The following APP variants were observed in gnomAD, a reference collection of about 807,000 sequenced individuals.
APP encodes amyloid-beta precursor protein.
A neutral mutation model predicts 101.4 loss-of-function variants in APP; 31 were observed. That is an observed-to-expected ratio of 0.31 (90% CI 0.23 to 0.41). The LOEUF is 0.41. APP is among the 10% of genes least tolerant of loss of function. The pLI is 1.00. For missense variants in APP, 839 were observed against 1,003.7 expected (o/e 0.84, Z 2.22); for synonymous variants, 366 against 364.4 (o/e 1.00, Z -0.05).
At chr21:26,149,518 A>C (rs921685301) in intron 1 of APP, among the ~76,000 whole-genome samples, 2 of 152,240 alleles carry the variant, frequency 1.3e-5, no homozygotes, top group South Asian at 2.1e-4. Context: ...AATCACAAAC[A>C]ATATGGCACG....
At chr21:26,081,255 T>C (rs1315808210) in intron 3 of APP, among the ~76,000 whole-genome samples, 1 of 152,184 alleles carries the variant, frequency 6.6e-6, no homozygotes, top group Non-Finnish European at 1.5e-5. Flanking sequence ...TTAAAGTTAC[T>C]GTCACAACAA....
intron 6 of APP, among the ~76,000 whole-genome samples, chr21:26,006,112 G>T (rs2043520373): frequency 6.6e-6 from 1 of 151,950 alleles, no homozygotes. Context: ...CCACCTTTCT[G>T]TTCAAAGTAA....
chr21:26,165,845 T>A (rs909081178), intron 1 of APP, among the ~76,000 whole-genome samples: 1 of 152,218 alleles, frequency 6.6e-6, no homozygotes. Context: ...CCTCTCTGAA[T>A]ACTCAGCTAG....
intron 15 of APP, among the ~76,000 whole-genome samples, chr21:25,898,380 A>G (rs1028381072): frequency 6.6e-6 from 1 of 152,250 alleles, no homozygotes; most frequent in Non-Finnish European, 1.5e-5. Flanking sequence ...GATGAATTTC[A>G]TTATTCAAAT....
chr21:26,045,409 G>A (rs1383094764), intron 5 of APP, among the ~76,000 whole-genome samples: 1 of 152,142 alleles, frequency 6.6e-6, no homozygotes, highest in African/African-American at 2.4e-5. Context: ...CATTCCAAAG[G>A]ATAATGCTCA....
chr21:25,884,420 TCA>T (rs1365105670), intron 17 of APP, among the ~76,000 whole-genome samples: 4 of 152,226 alleles, frequency 2.6e-5, no homozygotes, highest in Non-Finnish European at 5.9e-5. Flanking sequence ...TGGGAGCAAA[TCA>T]CAGATATTTT....
At chr21:26,004,445 A>AC (rs34715782) in intron 6 of APP, among the ~76,000 whole-genome samples, 151,864 of 151,864 alleles carry the variant, frequency 1, 75,932 homozygotes, top group Non-Finnish European at 1. Flanking sequence ...AGCACCCGCC[A>AC]CACACCGGCT....
chr21:26,013,165 C>G (rs2146736472), intron 6 of APP, among the ~76,000 whole-genome samples: 1 of 152,088 alleles, frequency 6.6e-6, no homozygotes, highest in East Asian at 1.9e-4. Flanking sequence ...AAAAATACAA[C>G]AGTTAGCCAG....
chr21:26,170,827 C>G (rs2063732691), upstream of APP: 1 of 514,364 alleles, frequency 1.9e-6, no homozygotes, highest in Non-Finnish European at 3.3e-6. Flanking sequence ...ATCCGGCCCA[C>G]CCCGCTCGGC....
intron 1 of APP, among the ~76,000 whole-genome samples, chr21:26,119,171 C>A (rs2062506807): frequency 6.6e-6 from 1 of 152,146 alleles, no homozygotes; most frequent in Admixed American, 6.5e-5. Flanking sequence ...TGCTTTTTGA[C>A]AGAACAAGCC....
chr21:25,910,331 C>T (rs1463066377), intron 14 of APP, among the ~76,000 whole-genome samples: 3 of 152,030 alleles, frequency 2.0e-5, no homozygotes, highest in Non-Finnish European at 4.4e-5. Flanking sequence ...GGGGTTTCAC[C>T]ATGTTAGCCA....
intron 11 of APP, among the ~76,000 whole-genome samples, chr21:25,970,006 A>AAGAG (rs34800671): frequency 0.025 from 3,642 of 146,664 alleles, 178 homozygotes; most frequent in East Asian, 0.13. Flanking sequence ...GAAACAGAGA[A>AAGAG]AGAGAGAGAG....
intron 6 of APP, among the ~76,000 whole-genome samples, chr21:26,019,552 A>G (rs1018800049): frequency 2.0e-5 from 3 of 152,176 alleles, no homozygotes; most frequent in Non-Finnish European, 1.5e-5. Flanking sequence ...TTCCTAAGAG[A>G]TTTTAACATC....
chr21:25,881,527 G>T lies in APP; in HGVS notation c.*143C>A. The T allele has an allele frequency of 2.3e-6, 2 of 883,792 alleles. No individual in the cohort carries two copies. The highest frequency in any genetic ancestry group is 3.7e-6 in the Non-Finnish European group (2 of 539,278). The allele number at this position is 883,792 out of a possible 1,614,324, so 54.7% of individuals were successfully genotyped here. On this transcript the variant is annotated 3_prime_UTR_variant, in exon 18 of 18. Transcript: ENST00000346798. ...AATTCAAGTTCAGGCATCTACTTGT[G>T]TTACAGCACAGCTGTCAAAAGGCGA...
At chr21:26,100,729 T>C (rs1021749020) in intron 2 of APP, among the ~76,000 whole-genome samples, 4 of 132,704 alleles carry the variant, frequency 3.0e-5, no homozygotes, top group African/African-American at 5.0e-5. Flanking sequence ...CTTTGTTTGC[T>C]GATCCTGTTA....
intron 14 of APP, 108 bp from the exon 15 acceptor site, chr21:25,905,185 A>C: frequency 1.1e-6 from 1 of 944,256 alleles, no homozygotes; most frequent in Non-Finnish European, 1.7e-6. Context: ...GCAATAAACA[A>C]GTTACAAAAA....
chr21:25,903,238 G>A (rs779935475), intron 15 of APP, among the ~76,000 whole-genome samples: 6 of 151,628 alleles, frequency 4.0e-5, no homozygotes, highest in Non-Finnish European at 8.8e-5. Context: ...GCATGGTGGG[G>A]CGCATCTGTA....
intron 16 of APP, among the ~76,000 whole-genome samples, chr21:25,894,783 G>A (rs2037923071): frequency 6.6e-6 from 1 of 152,228 alleles, no homozygotes; most frequent in South Asian, 2.1e-4. Context: ...CGATGAAGCA[G>A]TGGCTAGATT....
chr21:26,102,032 C>T (rs1270749236), intron 2 of APP, among the ~76,000 whole-genome samples: 1 of 150,318 alleles, frequency 6.7e-6, no homozygotes, highest in Non-Finnish European at 1.5e-5. Context: ...AAGTACACTT[C>T]CTTTATTCTT....
Sources: allele counts gnomAD v4.1 joint callset (sites outside exome capture counted in the v4.1 genomes callset), GRCh38; gene constraint gnomAD v4.1.1; transcripts MANE v1.5; gene names NCBI Gene and HGNC (gene_info 2026-07-23, HGNC 2026-07-21).